Variants in EYS observed in about 807,000 individuals in gnomAD.
EYS encodes EGF-like photoreceptor maintenance factor.
Under a neutral mutation model 282.1 loss-of-function variants are expected in EYS, and 250 were observed. The observed-to-expected ratio is 0.89, with a 90% CI of 0.80 to 0.98. The LOEUF is 0.98. Among genes scored for constraint, EYS ranks in the 50% least tolerant of loss-of-function variants. The pLI is 0.00. For missense variants in EYS, 4,016 were observed against 3,709.0 expected (o/e 1.08, Z -2.15); for synonymous variants, 1,355 against 1,282.9 (o/e 1.06, Z -1.20).
At chr6:64,135,751 G>A (rs1024984159) in intron 31 of EYS, among the ~76,000 whole-genome samples, 1 of 152,072 alleles carries the variant, frequency 6.6e-6, no homozygotes, top group African/African-American at 2.4e-5. Flanking sequence ...TCTAAAAACA[G>A]CATATATGCC....
At chr6:65,329,979 C>T (rs1038198877) in intron 11 of EYS, 102 of 980,754 alleles carry the variant, frequency 1.0e-4, no homozygotes, top group Non-Finnish European at 1.2e-4. Flanking sequence ...AAATGTGAAT[C>T]TCCTAAAATA....
intron 5 of EYS, among the ~76,000 whole-genome samples, chr6:65,477,147 C>T (rs1218298367): frequency 4.0e-5 from 6 of 151,884 alleles, no homozygotes; most frequent in African/African-American, 1.2e-4. Flanking sequence ...AGGTAAAATG[C>T]CTTGTAAATT....
chr6:64,151,254 TAC>T (rs1774694574), intron 31 of EYS, among the ~76,000 whole-genome samples: 1 of 146,488 alleles, frequency 6.8e-6, no homozygotes, highest in African/African-American at 2.5e-5. Flanking sequence ...CCATGATATA[TAC>T]TTCAGTGAAA....
intron 30 of EYS, among the ~76,000 whole-genome samples, chr6:64,304,046 G>T (rs1020652220): frequency 1.3e-5 from 2 of 152,098 alleles, no homozygotes; most frequent in African/African-American, 4.8e-5. Flanking sequence ...TGGCAATGTG[G>T]CAATGTTAAT....
At chr6:64,322,178 T>C (rs187076965) in intron 29 of EYS, among the ~76,000 whole-genome samples, 1 of 152,012 alleles carries the variant, frequency 6.6e-6, no homozygotes, top group Admixed American at 6.6e-5. Flanking sequence ...TAAAGTGGAG[T>C]AGAGCCTGAA....
chr6:65,006,068 A>G (rs1351235392), intron 13 of EYS, among the ~76,000 whole-genome samples: 1 of 151,942 alleles, frequency 6.6e-6, no homozygotes, highest in African/African-American at 2.4e-5. Context: ...CACCTAGGCT[A>G]TAACCCAGGG....
At chr6:65,079,360 T>C (rs2150170635) in intron 12 of EYS, among the ~76,000 whole-genome samples, 1 of 152,204 alleles carries the variant, frequency 6.6e-6, no homozygotes, top group East Asian at 1.9e-4. Context: ...CTAATTCATT[T>C]GAGATATTTA....
chr6:63,932,763 C>G (rs1764936023), intron 35 of EYS, among the ~76,000 whole-genome samples: 1 of 152,242 alleles, frequency 6.6e-6, no homozygotes, highest in Non-Finnish European at 1.5e-5. Flanking sequence ...CCAAGCAATT[C>G]TCCAGTAGAC....
At chr6:65,440,363 T>C (rs1768264869) in intron 5 of EYS, among the ~76,000 whole-genome samples, 3 of 146,582 alleles carry the variant, frequency 2.0e-5, no homozygotes, top group South Asian at 4.5e-4. Flanking sequence ...TGTTAGTTTA[T>C]AAACAACCTT....
Position 64,123,048 on chromosome 6 carries a change from T to C in EYS, c.6425-41046A>G, listed in dbSNP as rs1220360397. On this transcript the variant is annotated intron_variant, in intron 31 of 42. Transcript: ENST00000503581. Reference sequence around the variant, plus strand: ...TAAAGAATTTACAGTCTAATAACAGTAATAGGGTGTGTTTATAAAGACACA... The same window carrying C: ...TAAAGAATTTACAGTCTAATAACAGCAATAGGGTGTGTTTATAAAGACACA... Among the ~76,000 whole-genome samples the C allele has an allele frequency of 3.3e-5, 5 of 152,190 alleles. No homozygotes were observed. In the South Asian group the frequency reaches 6.2e-4, roughly 19 times the overall value.
intron 22 of EYS, among the ~76,000 whole-genome samples, chr6:64,689,449 T>C (rs899812305): frequency 3.6e-4 from 31 of 85,982 alleles, no homozygotes; most frequent in Non-Finnish European, 5.8e-4. Context: ...AATGACTTTC[T>C]TCACAGAACT....
In EYS at chr6:64,848,735, T is replaced by C. The variant is rs554656064; in HGVS notation, c.2993-25913A>G. On this transcript the variant is annotated intron_variant, in intron 19 of 42. Coordinates refer to ENST00000503581, the MANE Select transcript of EYS (RefSeq NM_001142800.2). ...TACACAGAACAAGTATAGGAGAGAA[T>C]GATAAATTTAGAGATTGCCACCATG... Among the ~76,000 whole-genome samples, 98 of 152,140 alleles carry C rather than the reference T, an allele frequency of 6.4e-4. 2 individuals are homozygous for C. The Middle Eastern group carries it at 0.01, about 16-fold the overall frequency.
intron 12 of EYS, among the ~76,000 whole-genome samples, chr6:65,071,945 T>C (rs1034967086): frequency 6.6e-6 from 1 of 151,810 alleles, no homozygotes; most frequent in Admixed American, 6.6e-5. Flanking sequence ...TGCTCTTTCA[T>C]CTTCTGAACC....
At chr6:64,909,781 G>A (rs996409346) in intron 16 of EYS, among the ~76,000 whole-genome samples, 2 of 151,656 alleles carry the variant, frequency 1.3e-5, no homozygotes, top group Non-Finnish European at 2.9e-5. Flanking sequence ...TTTTTACTAT[G>A]TATATATTTT....
chr6:65,258,910 G>T (rs1464003718), intron 12 of EYS, among the ~76,000 whole-genome samples: 2 of 151,884 alleles, frequency 1.3e-5, no homozygotes, highest in Admixed American at 6.6e-5. Flanking sequence ...TTTAAATTTT[G>T]GGGAAAAAGA....
chr6:64,242,122 G>A (rs765297738), intron 30 of EYS, among the ~76,000 whole-genome samples: 2 of 152,234 alleles, frequency 1.3e-5, no homozygotes, highest in South Asian at 2.1e-4. Context: ...ATGTGGTGCT[G>A]AGAAGAATGT....
chr6:64,774,403 A>C (rs1439805112), intron 22 of EYS, among the ~76,000 whole-genome samples: 1 of 151,904 alleles, frequency 6.6e-6, no homozygotes, highest in Non-Finnish European at 1.5e-5. Context: ...ATCTCCACTC[A>C]ATCTGGGAGC....
In EYS at chr6:65,344,116, G is replaced by A. The variant is rs1416709406; in HGVS notation, c.1521C>T (p.Cys507=). The change falls in exon 10 of 43, where the codon TGC becomes TGT. Residue 507 remains cysteine, a synonymous_variant. Transcript: ENST00000503581. ...CGTTCACATAGGTTGCATCTTCAGT[G>A]CAGTTTGCAGCCAGAAAGAAATAGG... The part of the protein sequence containing the change: ...IDAYFFLAAN[C]TEDATYVNDP... The A allele has an allele frequency of 1.9e-6, 3 of 1,609,852 alleles. No individual in the cohort carries two copies. The highest frequency in any genetic ancestry group is 2.7e-5 in the African/African-American group (2 of 74,620).
At chr6:65,258,418 C>T (rs991595467) in intron 12 of EYS, among the ~76,000 whole-genome samples, 33 of 152,038 alleles carry the variant, frequency 2.2e-4, no homozygotes, top group African/African-American at 7.7e-4. Flanking sequence ...ATACAGGATT[C>T]CTGTGAAGTT....
Sources: gnomAD v4.1 joint callset for allele counts (sites outside exome capture counted in the v4.1 genomes callset) on GRCh38, gnomAD v4.1.1 for gene constraint, MANE v1.5 for transcripts, NCBI Gene and HGNC (gene_info 2026-07-23, HGNC 2026-07-21) for gene names.